The following HECA variants were observed in gnomAD, a reference collection of about 807,000 sequenced individuals.
HECA encodes the protein headcase protein homolog.
HECA carries 13 observed loss-of-function variants against 37.6 expected under a neutral mutation model. The observed-to-expected ratio is 0.35, with a 90% CI of 0.23 to 0.55. The LOEUF (loss-of-function observed/expected upper bound fraction) is 0.55. Among genes scored for constraint, HECA ranks in the 20% least tolerant of loss-of-function variants. The pLI is 0.90. For missense variants in HECA, 527 were observed against 701.9 expected, an observed-to-expected ratio of 0.75 and a Z score of 2.82; for synonymous variants, 307 against 291.5, an observed-to-expected ratio of 1.05 and a Z score of -0.54.
At chr6:139,164,262 G>A (rs536869024) in intron 1 of HECA, among the ~76,000 whole-genome samples, 2 of 152,222 alleles carry the variant, frequency 1.3e-5, no homozygotes, top group African/African-American at 4.8e-5. Context: ...TTTAGCTTCT[G>A]TCATCTATAC....
At chr6:139,148,529 T>C (rs2473536) in intron 1 of HECA, among the ~76,000 whole-genome samples, 118,832 of 152,140 alleles carry the variant, frequency 0.78, 47,118 homozygotes, top group African/African-American at 0.82. Context: ...TTTGGGAGGC[T>C]GAGGCAGGCA....
intron 1 of HECA, among the ~76,000 whole-genome samples, chr6:139,157,249 G>T (rs1334984207): frequency 2.6e-5 from 4 of 152,296 alleles, no homozygotes; most frequent in South Asian, 4.2e-4. Flanking sequence ...TTTGGGTTTG[G>T]TCGGTTTTGA....
Position 139,166,650 on chromosome 6 carries a change from G to A in HECA, c.638G>A (p.Arg213Lys). Reference protein sequence around the residue: ...KKSGSEKNTGRPPGEAAEEAK... With the variant: ...KKSGSEKNTGKPPGEAAEEAK... ...TCTGGCTCCGAGAAGAACACAGGGA[G>A]GCCTCCTGGTGAGGCGGCGGAGGAG... Residue 213 changes from arginine (R) to lysine (K), a missense_variant, in exon 2 of 4, where the codon AGG (arginine) becomes AAG (lysine). Physicochemically the swap from Arg to Lys is conservative, Grantham distance 26. Transcript: ENST00000367658. 6.2e-7 allele frequency: 1 copy of A among 1,614,160 alleles called. No homozygotes were observed. The highest frequency in any genetic ancestry group is 1.1e-5 in the South Asian group (1 of 91,084).
rs1204243113 is a variant in HECA at position 139,176,352 on chromosome 6, G to T, written c.1468-589G>T. Among the ~76,000 whole-genome samples, 3 of 152,150 alleles carry T rather than the reference G, an allele frequency of 2.0e-5. No individual in the cohort carries two copies. The highest frequency in any genetic ancestry group is 4.4e-5 in the Non-Finnish European group (3 of 68,032). On this transcript the variant is annotated intron_variant, in intron 3 of 3. Coordinates refer to ENST00000367658, the MANE Select transcript of HECA (RefSeq NM_016217.3). This position sits in a 1 kb window ranked among gnomAD's most constrained non-coding sequence, Gnocchi z 4.5. ...TACATTTTTAAAATGAGTCTAAATTGAGTCTGTTTTATTTATAATTTGTGG... is the reference window on the plus strand; with the variant it reads ...TACATTTTTAAAATGAGTCTAAATTTAGTCTGTTTTATTTATAATTTGTGG...
At position 139,177,839 on chromosome 6, in the gene HECA, T is replaced by C. The variant is rs1330929115; in HGVS notation, c.*734T>C. On this transcript the variant is annotated 3_prime_UTR_variant, in exon 4 of 4. Coordinates refer to ENST00000367658, the MANE Select transcript of HECA (RefSeq NM_016217.3). The surrounding 1 kb of genome is among the most constrained non-coding windows in gnomAD (Gnocchi z 4.9). The stretch of plus-strand genomic sequence containing the variant: ...AATCATTTAAATTGTGTCTTTGAAG[T>C]TGGTAATATAGCTTTTAAGGAGAAC... 1 of 152,200 alleles carries C rather than the reference T, an allele frequency of 6.6e-6. No homozygotes were observed. Among genetic ancestry groups the C allele is most frequent in the Non-Finnish European group, 1.5e-5 (1 of 68,036 alleles). The allele number at this position is 152,200 out of a possible 1,614,324, so 9.4% of individuals were successfully genotyped here.
intron 2 of HECA, among the ~76,000 whole-genome samples, chr6:139,173,626 T>C (rs908506332): frequency 1.3e-5 from 2 of 152,202 alleles, no homozygotes; most frequent in Non-Finnish European, 2.9e-5. Context: ...GTTGCTGTTA[T>C]ACGTTGCCTG....
intron 1 of HECA, among the ~76,000 whole-genome samples, chr6:139,150,840 A>G (rs1284767003): frequency 1.3e-5 from 2 of 152,224 alleles, no homozygotes; most frequent in African/African-American, 2.4e-5. Context: ...TAAACTATCA[A>G]TAGGAGTCTG....
chr6:139,141,709 G>A (rs1424058392), intron 1 of HECA, among the ~76,000 whole-genome samples: 1 of 151,664 alleles, frequency 6.6e-6, no homozygotes, highest in Non-Finnish European at 1.5e-5. Context: ...CTTTTATGAG[G>A]GATCTAATCC....
At chr6:139,140,754 A>C (rs1252912486) in intron 1 of HECA, among the ~76,000 whole-genome samples, 2 of 152,216 alleles carry the variant, frequency 1.3e-5, no homozygotes, top group African/African-American at 2.4e-5. Flanking sequence ...TCTTTACAGA[A>C]AAAAATCTGT....
chr6:139,179,060 G>A lies in HECA; in HGVS notation c.*1955G>A, dbSNP rs973985421. ...GAAATGCATAAAATGCCTATAAGAA[G>A]TAGAAAGTCATTGAACTGACAGTGT... is the stretch of plus-strand genomic sequence containing the variant. On this transcript the variant is annotated 3_prime_UTR_variant, in exon 4 of 4. Coordinates refer to ENST00000367658, the MANE Select transcript of HECA (RefSeq NM_016217.3). The A allele has an allele frequency of 4.6e-5, 7 of 152,132 alleles. No homozygotes were observed. The highest frequency in any genetic ancestry group is 1.7e-4 in the African/African-American group (7 of 41,430). The allele number at this position is 152,132 out of a possible 1,614,324, so 9.4% of individuals were successfully genotyped here.
chr6:139,160,615 A>G (rs973139842), intron 1 of HECA, among the ~76,000 whole-genome samples: 3 of 152,090 alleles, frequency 2.0e-5, no homozygotes, highest in Admixed American at 6.5e-5. Flanking sequence ...GAGTCTCACT[A>G]TGTTGTCCAG....
In HECA at chr6:139,135,342, C is replaced by T. The variant is rs890848569; in HGVS notation, c.-55C>T. On this transcript the variant is annotated 5_prime_UTR_variant, in exon 1 of 4. Coordinates refer to ENST00000367658, the MANE Select transcript of HECA (RefSeq NM_016217.3). ...CACGCAGGGCCGGGAACGGCCGTGC[C>T]TCTGGGATCCGCCTTCGCTGACGCC... The T allele has an allele frequency of 2.4e-6, 3 of 1,262,586 alleles. No homozygotes were observed. Among genetic ancestry groups the T allele is most frequent in the Admixed American group, 3.2e-5 (1 of 30,970 alleles). 78.2% of individuals were successfully genotyped at this position (1,262,586 alleles called of 1,614,324 possible). A position where few individuals can be genotyped will look rare whatever the true frequency, so the allele number is the denominator to read the frequency against.
At chr6:139,141,784 C>T (rs1352950474) in intron 1 of HECA, among the ~76,000 whole-genome samples, 3 of 146,228 alleles carry the variant, frequency 2.1e-5, no homozygotes, top group Non-Finnish European at 4.5e-5. Flanking sequence ...GACAGAGTCT[C>T]ACTATGTCAC....
intron 1 of HECA, among the ~76,000 whole-genome samples, chr6:139,163,103 C>G (rs1257401421): frequency 6.6e-6 from 1 of 152,208 alleles, no homozygotes; most frequent in Non-Finnish European, 1.5e-5. Flanking sequence ...TTGGCTGGGA[C>G]TTTTCAGGTT....
chr6:139,135,303 C>G lies in HECA; in HGVS notation c.-94C>G. ...CGCCGGCTCGCGCCCTCCGTTCTTT[C>G]CCGGAGCCGGCTTCACGCAGGGCCG... On this transcript the variant is annotated 5_prime_UTR_variant, in exon 1 of 4. Coordinates refer to ENST00000367658, the MANE Select transcript of HECA (RefSeq NM_016217.3). The G allele has an allele frequency of 9.6e-7, 1 of 1,045,942 alleles. No homozygotes were observed. Among genetic ancestry groups the G allele is most frequent in the Non-Finnish European group, 1.2e-6 (1 of 837,366 alleles). 64.8% of individuals were successfully genotyped at this position (1,045,942 alleles called of 1,614,324 possible). A position where few individuals can be genotyped will look rare whatever the true frequency, so the allele number is the denominator to read the frequency against.
Position 139,174,438 on chromosome 6 carries a change from A to G in HECA, c.1366A>G (p.Lys456Glu). The change falls in exon 3 of 4, where the codon AAG becomes GAG. Residue 456 changes from lysine to glutamate, a missense_variant. Lys to Glu is a moderately conservative substitution (Grantham distance 56). Transcript: ENST00000367658. ...VCVDCLEGVH[K>E]IICIKCKSRW... ...CGTGGACTGCCTGGAAGGGGTTCAC[A>G]AGATCATCTGCATCAAGTGTAAGTC... 2 of 1,614,042 alleles carry G rather than the reference A, an allele frequency of 1.2e-6. No individual in the cohort carries two copies. The highest frequency in any genetic ancestry group is 1.7e-5 in the Admixed American group (1 of 60,010).
At chr6:139,171,812 G>C (rs1774976892) in intron 2 of HECA, among the ~76,000 whole-genome samples, 2 of 150,482 alleles carry the variant, frequency 1.3e-5, no homozygotes, top group African/African-American at 4.9e-5. Context: ...GTTTAAACTT[G>C]TTGTTGTTGT....
At chr6:139,148,840 G>A (rs1490635156) in intron 1 of HECA, among the ~76,000 whole-genome samples, 2 of 152,020 alleles carry the variant, frequency 1.3e-5, no homozygotes, top group African/African-American at 4.8e-5. Context: ...ACTCACTGCT[G>A]TCGAGTCAAT....
intron 1 of HECA, among the ~76,000 whole-genome samples, chr6:139,149,627 G>A (rs12215226): frequency 5.9e-5 from 9 of 152,110 alleles, no homozygotes; most frequent in South Asian, 2.1e-4. Flanking sequence ...TGCTGCTTTG[G>A]GGGGAGCCTT....
Sources: gnomAD v4.1 joint callset for allele counts (sites outside exome capture counted in the v4.1 genomes callset) on GRCh38, gnomAD v4.1.1 for gene constraint, Gnocchi (gnomAD v3.1) non-coding constraint, MANE v1.5 for transcripts, NCBI Gene and HGNC (gene_info 2026-07-23, HGNC 2026-07-21) for gene names.